PKD1L1: variants seen among roughly 807,000 people sequenced by gnomAD.
PKD1L1 encodes polycystin 1 like 1, transient receptor potential channel interacting.
In PKD1L1, 236 loss-of-function variants were observed where a neutral mutation model predicts 323.4. That is an observed-to-expected ratio of 0.73 (90% CI 0.66 to 0.81). PKD1L1 has a LOEUF of 0.81. PKD1L1 is among the 40% of genes least tolerant of loss of function. The pLI is 0.00. For synonymous variants in PKD1L1, 1,344 were observed against 1,335.0 expected, an observed-to-expected ratio of 1.01 and a Z score of -0.15; for missense variants, 3,320 against 3,508.0, an observed-to-expected ratio of 0.95 and a Z score of 1.35.
In PKD1L1 at chr7:47,881,947, A is replaced by G; in HGVS notation, c.3404T>C (p.Leu1135Pro). 1 of 1,611,270 alleles carries G rather than the reference A, an allele frequency of 6.2e-7. No individual in the cohort carries two copies. The highest frequency in any genetic ancestry group is 1.7e-4 in the Middle Eastern group (1 of 6,044). Residue 1135 changes from leucine (L) to proline (P), a missense_variant, in exon 20 of 57, where the codon CTG becomes CCG. Coordinates refer to ENST00000289672, the MANE Select transcript of PKD1L1 (RefSeq NM_138295.5). ...PVLMIDWPKA[L>P]LGRAVFQGYS... ...GCCTTGGAAAACTGCTCGACCCAGC[A>G]GGGCCTTGGGCCAGTCAATCATGAG... is the stretch of plus-strand genomic sequence containing the variant.
chr7:47,827,339 C>A lies in PKD1L1; in HGVS notation c.6854+11G>T. ...GTGGAGCAAGCCCTCCCGACAGAAGCCGCCACCCACCTCAGGGCAGCCCGT... is the reference window on the plus strand; with the variant it reads ...GTGGAGCAAGCCCTCCCGACAGAAGACGCCACCCACCTCAGGGCAGCCCGT... On this transcript the variant is annotated intron_variant, in intron 45 of 56. Transcript: ENST00000289672. 1 of 1,597,724 alleles carries A rather than the reference C, an allele frequency of 6.3e-7. No individual in the cohort carries two copies. Among genetic ancestry groups the A allele is most frequent in the South Asian group, 1.1e-5 (1 of 88,676 alleles).
intron 7 of PKD1L1, among the ~76,000 whole-genome samples, chr7:47,925,639 C>A (rs1787642682): frequency 6.6e-6 from 1 of 152,168 alleles, no homozygotes; most frequent in African/African-American, 2.4e-5. Context: ...ACGATACCCT[C>A]CTCCCATTGG....
chr7:47,819,961 T>C (rs147812785), intron 46 of PKD1L1: 60 of 216,004 alleles, frequency 2.8e-4, no homozygotes, highest in African/African-American at 1.4e-3. Flanking sequence ...TGCATAAATG[T>C]GTCTTTAAAT....
At chr7:47,932,199 G>C in intron 4 of PKD1L1, 143 bp from the exon 5 acceptor site, 1 of 1,332,850 alleles carries the variant, frequency 7.5e-7, no homozygotes, top group Non-Finnish European at 1.0e-6. Context: ...ATTCCTGGGA[G>C]TCAGGCCCAG....
chr7:47,776,796 A>G (rs1395860533), intron 56 of PKD1L1, among the ~76,000 whole-genome samples: 10 of 152,230 alleles, frequency 6.6e-5, no homozygotes, highest in Admixed American at 6.5e-4. Flanking sequence ...AGGAGCAAAG[A>G]CATTGCTCCG....
intron 7 of PKD1L1, among the ~76,000 whole-genome samples, chr7:47,918,266 G>T (rs1283843456): frequency 6.6e-6 from 1 of 151,960 alleles, no homozygotes; most frequent in Non-Finnish European, 1.5e-5. Context: ...GATAAAAGAA[G>T]CACATTATAT....
At position 47,905,282 on chromosome 7, in the gene PKD1L1, T is replaced by C. The variant is rs377086330; in HGVS notation, c.1566A>G (p.Thr522=). The change falls in exon 11 of 57, where the codon ACA becomes ACG. Residue 522 remains threonine, a synonymous_variant. Transcript: ENST00000289672. The part of the protein sequence containing the change: ...YTNGTVFATD[T]DITFTAVTKE... The stretch of plus-strand genomic sequence containing the variant: ...TGGTAACAGCTGTAAATGTAATGTC[T>C]GTGTCTGTGGCAAACACAGTTCCAT... 4 of 1,614,074 alleles carry C rather than the reference T, an allele frequency of 2.5e-6. No individual in the cohort carries two copies. The African/African-American group carries it at 4.0e-5, about 16-fold the overall frequency.
At chr7:47,950,246 G>A (rs543283503), upstream of PKD1L1, among the ~76,000 whole-genome samples, 5 of 152,148 alleles carry the variant, frequency 3.3e-5, no homozygotes, top group East Asian at 1.9e-4. Flanking sequence ...ATACCCACAC[G>A]CACACCTGGA....
chr7:47,809,385 C>T (rs2128728689), intron 51 of PKD1L1, 88 bp downstream of exon 51: 7 of 998,960 alleles, frequency 7.0e-6, no homozygotes, highest in Admixed American at 5.4e-5. Context: ...GTAGCTAGTG[C>T]ATAATCAATT....
intron 46 of PKD1L1, chr7:47,819,487 T>C (rs1785093624): frequency 7.9e-7 from 1 of 1,270,676 alleles, no homozygotes; most frequent in Non-Finnish European, 1.0e-6. Flanking sequence ...ACCCAAATTA[T>C]CACTTTGTTT....
intron 55 of PKD1L1, among the ~76,000 whole-genome samples, chr7:47,795,647 G>C (rs1784507715): frequency 6.6e-6 from 1 of 152,142 alleles, no homozygotes; most frequent in African/African-American, 2.4e-5. Flanking sequence ...GTTTGGGTTT[G>C]ATAGCAGGCA....
In PKD1L1 at chr7:47,929,264, T is replaced by C; in HGVS notation, c.1000A>G (p.Met334Val). 4 of 1,614,158 alleles carry C rather than the reference T, an allele frequency of 2.5e-6. No individual in the cohort carries two copies. Among genetic ancestry groups the C allele is most frequent in the Non-Finnish European group, 3.4e-6 (4 of 1,180,034 alleles). Residue 334 changes from methionine (M) to valine (V), a missense_variant, in exon 7 of 57, where the codon ATG becomes GTG. Coordinates refer to ENST00000289672, the MANE Select transcript of PKD1L1 (RefSeq NM_138295.5). ...GCCTCAGACATGTTGTGTAGCCTCA[T>C]TTCAACCCCAGAACTGTCCCCGAAA... ...MDFGDSSGVE[M>V]RLHNMSEAMA...
In PKD1L1 at chr7:47,840,632, C is replaced by A. The variant is rs903028176; in HGVS notation, c.5446-65G>T. On this transcript the variant is annotated intron_variant, in intron 34 of 56. Coordinates refer to ENST00000289672, the MANE Select transcript of PKD1L1 (RefSeq NM_138295.5). The surrounding 1 kb of genome is among the most constrained non-coding windows in gnomAD (Gnocchi z 4.1). ...ACAGCAGACACCATGCAATGCTGGG[C>A]AGGGCTTCCTCGCACTTTCTCCCAG... The A allele has an allele frequency of 7.9e-6, 10 of 1,272,356 alleles. No individual in the cohort carries two copies. Among genetic ancestry groups the A allele is most frequent in the South Asian group, 3.6e-5 (3 of 83,128 alleles). The allele number at this position is 1,272,356 out of a possible 1,614,324, so 78.8% of individuals were successfully genotyped here.
chr7:47,882,154 T>C (rs1410254408), intron 19 of PKD1L1, 69 bp from the exon 20 acceptor site: 1 of 1,459,116 alleles, frequency 6.9e-7, no homozygotes, highest in Non-Finnish European at 9.5e-7. Context: ...GCATTAGTGA[T>C]TCAATGCTGA....
chr7:47,877,407 T>TC, intron 22 of PKD1L1, 82 bp downstream of exon 22: 1 of 1,541,728 alleles, frequency 6.5e-7, no homozygotes, highest in East Asian at 2.3e-5. Flanking sequence ...TGCTGTCCAT[T>TC]CCTACAGCAC....
chr7:47,825,973 C>A (rs1785233452), intron 45 of PKD1L1, among the ~76,000 whole-genome samples: 1 of 152,062 alleles, frequency 6.6e-6, no homozygotes, highest in African/African-American at 2.4e-5. Flanking sequence ...CCCCAGCCAC[C>A]CCACCCCAGA....
At chr7:47,850,770 C>T (rs1237737264) in intron 31 of PKD1L1, among the ~76,000 whole-genome samples, 2 of 151,986 alleles carry the variant, frequency 1.3e-5, no homozygotes, top group African/African-American at 2.4e-5. Flanking sequence ...TGACTATGTG[C>T]TCTTACTGTA....
intron 50 of PKD1L1, 152 bp downstream of exon 50, chr7:47,811,665 G>A (rs543215959): frequency 7.6e-6 from 5 of 659,718 alleles, no homozygotes; most frequent in East Asian, 2.7e-5. Context: ...TTAGTGTGAT[G>A]CTTGCTGCAA....
Position 47,880,782 on chromosome 7 carries a change from T to C in PKD1L1, c.3466A>G (p.Ile1156Val). 6.2e-7 allele frequency: 1 copy of C among 1,607,630 alleles called. No individual in the cohort carries two copies. Among genetic ancestry groups the C allele is most frequent in the Non-Finnish European group, 8.5e-7 (1 of 1,176,208 alleles). Reference protein sequence around the residue: ...SSGITEQTVTIKPYSLSSGET... With the variant: ...SSGITEQTVTVKPYSLSSGET... Reference sequence around the variant, plus strand: ...CCACTGCTCAGAGAGTATGGCTTGATTGTCACTGTCTGTTCTGTAATACCT... The same window carrying C: ...CCACTGCTCAGAGAGTATGGCTTGACTGTCACTGTCTGTTCTGTAATACCT... The change falls in exon 21 of 57, where the codon ATC (isoleucine) becomes GTC (valine). Residue 1156 changes from isoleucine to valine, a missense_variant. Coordinates refer to ENST00000289672, the MANE Select transcript of PKD1L1 (RefSeq NM_138295.5).
Sources: gnomAD v4.1 joint callset for allele counts (sites outside exome capture counted in the v4.1 genomes callset) on GRCh38, gnomAD v4.1.1 for gene constraint, Gnocchi (gnomAD v3.1) non-coding constraint, MANE v1.5 for transcripts, NCBI Gene and HGNC (gene_info 2026-07-23, HGNC 2026-07-21) for gene names.